BZW2: variants seen among roughly 807,000 people sequenced by gnomAD.
BZW2 encodes eIF5-mimic protein 1.
Under a neutral mutation model 53.2 loss-of-function variants are expected in BZW2, and 23 were observed. The observed-to-expected ratio is 0.43, with a 90% CI of 0.31 to 0.61. The LOEUF is 0.61. Ranked by LOEUF, BZW2 falls within the 20% of genes least tolerant of loss-of-function variation. The pLI is 0.09. For missense variants in BZW2, 409 were observed against 503.1 expected, an observed-to-expected ratio of 0.81 and a Z score of 1.79; for synonymous variants, 227 against 186.4, an observed-to-expected ratio of 1.22 and a Z score of -1.77.
chr7:16,654,630 G>T (rs1782075577), intron 1 of BZW2, among the ~76,000 whole-genome samples: 1 of 151,504 alleles, frequency 6.6e-6, no homozygotes, highest in African/African-American at 2.4e-5. Context: ...TGCCTCCAGG[G>T]TTCAAGTGAT....
intron 6 of BZW2, chr7:16,686,834 A>G (rs1783142399): frequency 1.3e-5 from 2 of 152,194 alleles, no homozygotes; most frequent in Admixed American, 6.5e-5. Flanking sequence ...ATTGAGAGTC[A>G]ATTGGTCTTA....
intron 2 of BZW2, among the ~76,000 whole-genome samples, chr7:16,673,992 T>G (rs1391748525): frequency 6.6e-6 from 1 of 152,208 alleles, no homozygotes; most frequent in Non-Finnish European, 1.5e-5. Context: ...CTCCACCTCC[T>G]GGGTTCAAGT....
intron 2 of BZW2, among the ~76,000 whole-genome samples, chr7:16,666,380 A>G (rs944796866): frequency 2.6e-5 from 3 of 113,622 alleles, no homozygotes; most frequent in African/African-American, 6.9e-5. Flanking sequence ...CCTGGCCTGT[A>G]TAAAAGACTT....
intron 1 of BZW2, among the ~76,000 whole-genome samples, chr7:16,663,545 T>C (rs867706427): frequency 1.3e-5 from 2 of 152,140 alleles, no homozygotes; most frequent in Middle Eastern, 3.2e-3. Context: ...GTTTCTCTTT[T>C]ATGTGTAAGA....
chr7:16,653,057 T>C (rs146756160), intron 1 of BZW2, among the ~76,000 whole-genome samples: 1 of 146,878 alleles, frequency 6.8e-6, no homozygotes, highest in Non-Finnish European at 1.5e-5. Context: ...TGTGTGTGTG[T>C]AGCCCTTCAA....
chr7:16,653,270 C>G (rs1430336630), intron 1 of BZW2, among the ~76,000 whole-genome samples: 1 of 152,156 alleles, frequency 6.6e-6, no homozygotes, highest in East Asian at 1.9e-4. Context: ...CTAGGCCTTA[C>G]TTTTCTTTTT....
At chr7:16,702,520 A>C (rs1341948877) in intron 10 of BZW2, among the ~76,000 whole-genome samples, 1 of 152,166 alleles carries the variant, frequency 6.6e-6, no homozygotes, top group East Asian at 1.9e-4. Flanking sequence ...CAAGATTTGC[A>C]ATAAACAATG....
chr7:16,662,394 T>G (rs1268093656), intron 1 of BZW2: 2 of 152,138 alleles, frequency 1.3e-5, no homozygotes, highest in African/African-American at 4.8e-5. Flanking sequence ...ACCTGGGTTA[T>G]AAAGAAACAA....
chr7:16,690,393 C>T (rs573055216), intron 7 of BZW2, among the ~76,000 whole-genome samples: 9 of 151,954 alleles, frequency 5.9e-5, no homozygotes, highest in African/African-American at 1.2e-4. Flanking sequence ...TTAATAGAGA[C>T]GGGGTTTCAC....
At chr7:16,696,459 G>C (rs1482431591) in intron 8 of BZW2, among the ~76,000 whole-genome samples, 2 of 152,206 alleles carry the variant, frequency 1.3e-5, no homozygotes, top group Non-Finnish European at 2.9e-5. Context: ...ATCATCAAAA[G>C]TAATCATTGA....
At chr7:16,690,698 A>G (rs1783274425) in intron 7 of BZW2, among the ~76,000 whole-genome samples, 3 of 152,236 alleles carry the variant, frequency 2.0e-5, no homozygotes. Context: ...GCTGTTGCAG[A>G]AATTAAACAA....
chr7:16,660,128 C>T (rs1442173486), intron 1 of BZW2, among the ~76,000 whole-genome samples: 1 of 151,888 alleles, frequency 6.6e-6, no homozygotes, highest in African/African-American at 2.4e-5. Context: ...TGATGGTTTC[C>T]AGCTTCATCC....
intron 7 of BZW2, among the ~76,000 whole-genome samples, chr7:16,691,240 CAG>C (rs1783294081): frequency 6.6e-6 from 1 of 152,162 alleles, no homozygotes; most frequent in Non-Finnish European, 1.5e-5. Flanking sequence ...CCACAAGCTG[CAG>C]AGCCAGTAGA....
intron 1 of BZW2, among the ~76,000 whole-genome samples, chr7:16,657,899 T>C (rs560634509): frequency 3.3e-5 from 5 of 152,292 alleles, no homozygotes; most frequent in African/African-American, 1.2e-4. Context: ...CTAAGGGTCT[T>C]AACGTATCGA....
At position 16,685,477 on chromosome 7, in the gene BZW2, C is replaced by T. The variant is rs919613935; in HGVS notation, c.406-428C>T. On this transcript the variant is annotated intron_variant, in intron 5 of 11. Transcript: ENST00000258761. ...ATGTTTTTGCCGTACAAATTCTATT[C>T]AGAGAAAATGGGTACATGTAGCAGG... Among the ~76,000 whole-genome samples the T allele has an allele frequency of 8.7e-5, 13 of 148,936 alleles. No homozygotes were observed. In the South Asian group the frequency reaches 1.5e-3, roughly 17 times the overall value.
intron 8 of BZW2, among the ~76,000 whole-genome samples, chr7:16,696,331 T>G (rs1783487460): frequency 6.6e-6 from 1 of 152,228 alleles, no homozygotes; most frequent in Non-Finnish European, 1.5e-5. Flanking sequence ...TTATACATAA[T>G]TCAAAGGAGA....
At chr7:16,694,693 A>C in intron 7 of BZW2, 141 bp from the exon 8 acceptor site, 14 of 666,196 alleles carry the variant, frequency 2.1e-5, no homozygotes, top group Non-Finnish European at 3.0e-5. Flanking sequence ...TAAATATACC[A>C]GAGATTTGTT....
chr7:16,689,915 T>G lies in BZW2; in HGVS notation c.651+9T>G. Reference sequence around the variant, plus strand: ...TAGACAAGAGGCTGCTTGTAAGTGTTTTCTGGTTAAAGAGTTGTATGTATG... The same window carrying G: ...TAGACAAGAGGCTGCTTGTAAGTGTGTTCTGGTTAAAGAGTTGTATGTATG... On this transcript the variant is annotated intron_variant, in intron 7 of 11. Transcript: ENST00000258761. The G allele has an allele frequency of 6.2e-7, 1 of 1,603,968 alleles. No homozygotes were observed. Among genetic ancestry groups the G allele is most frequent in the Non-Finnish European group, 8.5e-7 (1 of 1,173,754 alleles).
At chr7:16,704,728 A>G in intron 11 of BZW2, 59 bp downstream of exon 11, 1 of 1,399,936 alleles carries the variant, frequency 7.1e-7, no homozygotes, top group Non-Finnish European at 9.5e-7. Context: ...ATATGTCAAA[A>G]TATTTACCTC....
Sources: gnomAD v4.1 joint callset for allele counts (sites outside exome capture counted in the v4.1 genomes callset) on GRCh38, gnomAD v4.1.1 for gene constraint, MANE v1.5 for transcripts, NCBI Gene and HGNC (gene_info 2026-07-23, HGNC 2026-07-21) for gene names.